The following MAPK12 variants were observed in gnomAD, a reference collection of about 807,000 sequenced individuals.
MAPK12 encodes the protein mitogen-activated protein kinase 12.
MAPK12 carries 49 observed loss-of-function variants against 49.1 expected under a neutral mutation model. The observed-to-expected ratio is 1.00, with a 90% CI of 0.79 to 1.27. The LOEUF is 1.27. Among genes scored for constraint, MAPK12 ranks in the 50% most tolerant of loss-of-function variants. The pLI is 0.00. For synonymous variants in MAPK12, 251 were observed against 209.7 expected (o/e 1.20, Z -1.70); for missense variants, 554 against 502.4 (o/e 1.10, Z -0.98).
intron 6 of MAPK12, 141 bp downstream of exon 6, chr22:50,256,458 G>A: frequency 1.8e-6 from 2 of 1,137,824 alleles, no homozygotes; most frequent in Middle Eastern, 2.1e-4. Flanking sequence ...TGCCTCTTGG[G>A]CTCACCCACC....
At chr22:50,256,792 G>T in intron 5 of MAPK12, 143 bp downstream of exon 5, 8 of 1,506,734 alleles carry the variant, frequency 5.3e-6, no homozygotes, top group Non-Finnish European at 7.1e-6. Context: ...AGGTACCTGG[G>T]CACCCAGGCA....
At position 50,255,448 on chromosome 22, in the gene MAPK12, C is replaced by T. The variant is rs756215491; in HGVS notation, c.850+5G>A. 8.7e-6 allele frequency: 14 copies of T among 1,613,130 alleles called. No homozygotes were observed. The highest frequency in any genetic ancestry group is 4.5e-5 in the East Asian group (2 of 44,882). ...CCCGGTGGCCCCCACACTAGCCAGC[C>T]GTACCCAGAGGGCTTGCATTGGTCA... On this transcript the variant is annotated splice_donor_5th_base_variant and intron_variant, in intron 10 of 11. Transcript: ENST00000215659.
chr22:50,259,249 G>A (rs763170208), intron 2 of MAPK12, among the ~76,000 whole-genome samples: 4 of 152,194 alleles, frequency 2.6e-5, no homozygotes, highest in African/African-American at 4.8e-5. Context: ...CAGAGGGGGT[G>A]TCCAGGGGGC....
At chr22:50,260,227 C>A (rs1267574530) in intron 2 of MAPK12, among the ~76,000 whole-genome samples, 1 of 17,044 alleles carries the variant, frequency 5.9e-5, no homozygotes, top group Admixed American at 5.8e-4. Flanking sequence ...AACCGGGGGA[C>A]GGGGCACTTT....
intron 7 of MAPK12, 30 bp downstream of exon 7, chr22:50,256,053 TGA>T (rs775298658): frequency 1.3e-5 from 20 of 1,586,590 alleles, no homozygotes; most frequent in Non-Finnish European, 1.7e-5. Context: ...TGGTGCAGCC[TGA>T]GAGGCCCAGA....
At position 50,257,108 on chromosome 22, in the gene MAPK12, C is replaced by A. The variant is rs753162308; in HGVS notation, c.400G>T (p.Val134Leu). 5.6e-6 allele frequency: 9 copies of A among 1,612,546 alleles called. No individual in the cohort carries two copies. The highest frequency in any genetic ancestry group is 7.6e-6 in the Non-Finnish European group (9 of 1,179,916). ...KLGEDRIQFL[V>L]YQMLKGLRYI... ...CTCAGCCCCTTCAGCATCTGGTACA[C>A]GAGGAACTGGATCCGGTCCTCGCCT... The change falls in exon 4 of 12, where the codon GTG (valine) becomes TTG (leucine). Residue 134 changes from valine (V) to leucine (L), a missense_variant. Coordinates refer to ENST00000215659, the MANE Select transcript of MAPK12 (RefSeq NM_002969.6).
chr22:50,257,214 C>T, intron 3 of MAPK12, 21 bp from the exon 4 acceptor site: 1 of 1,592,188 alleles, frequency 6.3e-7, no homozygotes. Context: ...GGCCGGAGCG[C>T]TGTCAGCGGA....
Position 50,254,693 on chromosome 22 carries a change from G to A in MAPK12, c.1024+504C>T, listed in dbSNP as rs6010217. 5.8e-6 allele frequency: 6 copies of A among 1,042,450 alleles called. No individual in the cohort carries two copies. The African/African-American group carries it at 1.0e-4, about 18-fold the overall frequency. The allele number at this position is 1,042,450 out of a possible 1,614,324, so 64.6% of individuals were successfully genotyped here. A position where few individuals can be genotyped will look rare whatever the true frequency, so the allele number is the denominator to read the frequency against. On this transcript the variant is annotated intron_variant, in intron 11 of 11. Coordinates refer to ENST00000215659, the MANE Select transcript of MAPK12 (RefSeq NM_002969.6). Reference sequence around the variant, plus strand: ...GCAAGGAGAGGCAAGGACAGATTCAGGAGGTGTGAGCAGAGAGGCCTTAGG... The same window carrying A: ...GCAAGGAGAGGCAAGGACAGATTCAAGAGGTGTGAGCAGAGAGGCCTTAGG...
rs1487368723 is a variant in MAPK12 at position 50,261,504 on chromosome 22, G to C, written c.6C>G (p.Ser2Arg). The part of the protein sequence containing the change: M[S>R]SPPPARSGFY... ...AGCCACTGCGGGCGGGCGGCGGAGA[G>C]CTCATGGCAGGCCCGGGAGCTGCCC... The change falls in exon 1 of 12, where the codon AGC becomes AGG. Residue 2 changes from serine (S) to arginine (R), a missense_variant. Coordinates refer to ENST00000215659, the MANE Select transcript of MAPK12 (RefSeq NM_002969.6). The C allele has an allele frequency of 5.7e-6, 7 of 1,220,128 alleles. No homozygotes were observed. The highest frequency in any genetic ancestry group is 7.3e-6 in the Non-Finnish European group (7 of 957,620). 75.6% of individuals were successfully genotyped at this position (1,220,128 alleles called of 1,614,324 possible). A position where few individuals can be genotyped will look rare whatever the true frequency, so the allele number is the denominator to read the frequency against.
At position 50,258,272 on chromosome 22, in the gene MAPK12, A is replaced by C. The variant is rs572957483; in HGVS notation, c.285T>G (p.Pro95=). 6.2e-7 allele frequency: 1 copy of C among 1,613,146 alleles called. No individual in the cohort carries two copies. The highest frequency in any genetic ancestry group is 1.3e-5 in the African/African-American group (1 of 75,060). Residue 95 remains proline, a synonymous_variant, in exon 3 of 12, where the codon CCT becomes CCG. Transcript: ENST00000215659. The part of the protein sequence containing the change: ...NVIGLLDVFT[P]DETLDDFTDF... ...CCGTGAAGTCATCCAGGGTCTCATC[A>C]GGAGTGAATACGTCCAGCAGCCCGA...
Position 50,253,214 on chromosome 22 carries a change from C to A in MAPK12, c.*187G>T. ...AGGTCTTGTCCAGAAAGTTCAGGTG[C>A]TCCTCCATGATGGGCGCCCAAGAGC... On this transcript the variant is annotated 3_prime_UTR_variant, in exon 12 of 12. Transcript: ENST00000215659. 1.6e-6 allele frequency: 1 copy of A among 637,196 alleles called. No individual in the cohort carries two copies. Among genetic ancestry groups the A allele is most frequent in the South Asian group, 1.7e-5 (1 of 57,174 alleles). 39.5% of individuals were successfully genotyped at this position (637,196 alleles called of 1,614,324 possible).
intron 7 of MAPK12, 98 bp from the exon 8 acceptor site, chr22:50,255,979 C>A: frequency 6.7e-7 from 1 of 1,491,464 alleles, no homozygotes; most frequent in Non-Finnish European, 9.2e-7. Flanking sequence ...GCTCCCACCC[C>A]AGCTCAACAG....
intron 2 of MAPK12, among the ~76,000 whole-genome samples, chr22:50,259,689 T>C (rs1601645498): frequency 6.6e-6 from 1 of 152,042 alleles, no homozygotes; most frequent in East Asian, 1.9e-4. Context: ...TCGAGACCAG[T>C]CTGCCCAACA....
Position 50,261,408 on chromosome 22 carries a change from G to C in MAPK12, c.102C>G (p.Gly34=). The change falls in exon 1 of 12, where the codon GGC becomes GGG. Residue 34 remains glycine (G), a synonymous_variant. Transcript: ENST00000215659. ...RAVYRDLQPV[G]SGAYGAVCSA... ...ACCACACCGCGCCGTAGGCGCCCGAGCCCACGGGCTGCAGGTCCCGGTACA... is the reference window on the plus strand; with the variant it reads ...ACCACACCGCGCCGTAGGCGCCCGACCCCACGGGCTGCAGGTCCCGGTACA... 8.2e-7 allele frequency: 1 copy of C among 1,225,078 alleles called. No individual in the cohort carries two copies. Among genetic ancestry groups the C allele is most frequent in the African/African-American group, 1.6e-5 (1 of 62,308 alleles). The allele number at this position is 1,225,078 out of a possible 1,614,324, so 75.9% of individuals were successfully genotyped here. A position where few individuals can be genotyped will look rare whatever the true frequency, so the allele number is the denominator to read the frequency against.
At chr22:50,261,326 C>A (rs2065211328) in intron 1 of MAPK12, 30 bp from the exon 2 acceptor site, 20 of 1,265,398 alleles carry the variant, frequency 1.6e-5, no homozygotes, top group Admixed American at 3.8e-5. Flanking sequence ...GCGGGAAGGC[C>A]GGGCACCCCG....
In MAPK12 at chr22:50,252,908, C is replaced by A. The variant is rs2065112896; in HGVS notation, c.*493G>T. ...GAGGACGCACAGCCAGAACAGGGAG[C>A]TACAAAAGGGTCTATTTCCTTCCAG... On this transcript the variant is annotated 3_prime_UTR_variant, in exon 12 of 12. Transcript: ENST00000215659. 2 of 206,852 alleles carry A rather than the reference C, an allele frequency of 9.7e-6. No homozygotes were observed. The highest frequency in any genetic ancestry group is 2.0e-5 in the Non-Finnish European group (2 of 99,808). The allele number at this position is 206,852 out of a possible 1,614,324, so 12.8% of individuals were successfully genotyped here. A position where few individuals can be genotyped will look rare whatever the true frequency, so the allele number is the denominator to read the frequency against.
At chr22:50,254,899 C>CCCTT (rs960646666) in intron 11 of MAPK12, 1 of 1,285,966 alleles carries the variant, frequency 7.8e-7, no homozygotes, top group Non-Finnish European at 1.0e-6. Flanking sequence ...GCCAGGAACA[C>CCCTT]CCTTCCCTTC....
At chr22:50,261,030 C>T (rs969894614) in intron 2 of MAPK12, 137 bp downstream of exon 2, 14 of 1,046,106 alleles carry the variant, frequency 1.3e-5, no homozygotes, top group African/African-American at 7.3e-5. Flanking sequence ...TCCTTCTCCC[C>T]TGGGGACCCA....
chr22:50,254,862 TTCTGTGCCAGCC>T, intron 11 of MAPK12: 1 of 1,206,980 alleles, frequency 8.3e-7, no homozygotes, highest in African/African-American at 1.6e-5. Flanking sequence ...TCCCGGCTCC[TTCTGTGCCAGCC>T]TCTGTGCTGA....
Sources: gnomAD v4.1 joint callset for allele counts (sites outside exome capture counted in the v4.1 genomes callset) on GRCh38, gnomAD v4.1.1 for gene constraint, MANE v1.5 for transcripts, NCBI Gene and HGNC (gene_info 2026-07-23, HGNC 2026-07-21) for gene names.